Variants in PDGFC observed in about 807,000 individuals in gnomAD.
PDGFC encodes the protein platelet-derived growth factor C.
A neutral mutation model predicts 35.5 loss-of-function variants in PDGFC; 12 were observed. The observed-to-expected ratio is 0.34, with a 90% confidence interval of 0.22 to 0.55. PDGFC has a LOEUF of 0.55. Among genes scored for constraint, PDGFC ranks in the 20% least tolerant of loss-of-function variants. PDGFC has a pLI of 0.91. For missense variants in PDGFC, 322 were observed against 412.4 expected (o/e 0.78, Z 1.90); for synonymous variants, 159 against 148.8 (o/e 1.07, Z -0.50).
intron 3 of PDGFC, among the ~76,000 whole-genome samples, chr4:156,790,005 ATACTTTGAGGAAACATAGT>A (rs1328349725): frequency 0.047 from 6,848 of 145,756 alleles, 655 homozygotes; most frequent in African/African-American, 0.18. Flanking sequence ...AAAAGAAAGA[ATACTTTGAGGAAACATAGT>A]ATCATGGCAA....
intron 2 of PDGFC, among the ~76,000 whole-genome samples, chr4:156,840,343 T>C (rs903669618): frequency 6.6e-6 from 1 of 152,188 alleles, no homozygotes; most frequent in Non-Finnish European, 1.5e-5. Flanking sequence ...AGGCTGTTGC[T>C]TTAGAGAGTG....
chr4:156,929,766 C>T (rs1270483796), intron 1 of PDGFC, among the ~76,000 whole-genome samples: 1 of 152,164 alleles, frequency 6.6e-6, no homozygotes, highest in Non-Finnish European at 1.5e-5. Context: ...CCTTTAGTGA[C>T]TTATGGATAT....
At chr4:156,857,114 T>G (rs1442722065) in intron 1 of PDGFC, among the ~76,000 whole-genome samples, 2 of 151,508 alleles carry the variant, frequency 1.3e-5, no homozygotes, top group Non-Finnish European at 2.9e-5. Context: ...TAATCACAGG[T>G]TGATTTAAAG....
chr4:156,811,745 G>T (rs1731936772), intron 2 of PDGFC, among the ~76,000 whole-genome samples: 1 of 151,976 alleles, frequency 6.6e-6, no homozygotes, highest in African/African-American at 2.4e-5. Flanking sequence ...GTCAACTTTT[G>T]GTTTGGAAGG....
intron 1 of PDGFC, among the ~76,000 whole-genome samples, chr4:156,900,919 G>A (rs1366348384): frequency 7.6e-6 from 1 of 131,004 alleles, no homozygotes; most frequent in Non-Finnish European, 1.6e-5. Flanking sequence ...GAGGGAGGGA[G>A]AGAGGAAGTG....
At chr4:156,941,351 A>G (rs772232831) in intron 1 of PDGFC, among the ~76,000 whole-genome samples, 6 of 152,192 alleles carry the variant, frequency 3.9e-5, no homozygotes, top group Non-Finnish European at 8.8e-5. Flanking sequence ...ATCCTCTTAC[A>G]AATGAGAAAC....
chr4:156,826,063 C>T (rs968431172), intron 2 of PDGFC, among the ~76,000 whole-genome samples: 3 of 147,490 alleles, frequency 2.0e-5, no homozygotes, highest in Non-Finnish European at 3.0e-5. Context: ...GAGAAGGGGT[C>T]TTTATTGCCT....
chr4:156,877,429 T>C (rs1165675935), intron 1 of PDGFC, among the ~76,000 whole-genome samples: 2 of 152,178 alleles, frequency 1.3e-5, no homozygotes, highest in Non-Finnish European at 2.9e-5. Flanking sequence ...CATAACTAAA[T>C]AATTGTAAGT....
chr4:156,835,328 T>C (rs146196924), intron 2 of PDGFC, among the ~76,000 whole-genome samples: 2 of 152,154 alleles, frequency 1.3e-5, no homozygotes, highest in Admixed American at 6.5e-5. Context: ...TTCAATATTG[T>C]TGGGAATGTC....
chr4:156,877,444 C>T (rs6816164), intron 1 of PDGFC, among the ~76,000 whole-genome samples: 8 of 151,882 alleles, frequency 5.3e-5, no homozygotes, highest in African/African-American at 1.7e-4. Flanking sequence ...GTAAGTCAAT[C>T]GTGAAATTAT....
chr4:156,764,453 C>G (rs936799071), intron 5 of PDGFC, among the ~76,000 whole-genome samples: 3 of 152,126 alleles, frequency 2.0e-5, no homozygotes, highest in Non-Finnish European at 4.4e-5. Context: ...GAGGCTTAGA[C>G]AGAGTAAGTG....
chr4:156,922,872 G>A (rs1428025801), intron 1 of PDGFC, among the ~76,000 whole-genome samples: 1 of 152,092 alleles, frequency 6.6e-6, no homozygotes, highest in Non-Finnish European at 1.5e-5. Context: ...TAGTTACTCT[G>A]ACAGTAAGAA....
intron 1 of PDGFC, among the ~76,000 whole-genome samples, chr4:156,895,905 A>G (rs924477841): frequency 5.3e-5 from 8 of 152,160 alleles, no homozygotes; most frequent in Admixed American, 2.6e-4. Context: ...AACATGATTA[A>G]CATATTTAAC....
chr4:156,844,983 G>C (rs2111066601), intron 2 of PDGFC, among the ~76,000 whole-genome samples: 1 of 151,896 alleles, frequency 6.6e-6, no homozygotes, highest in East Asian at 1.9e-4. Context: ...TGCATTCTTT[G>C]AACAAAGAAT....
intron 2 of PDGFC, among the ~76,000 whole-genome samples, chr4:156,846,886 C>T (rs1050560400): frequency 6.6e-5 from 10 of 151,698 alleles, no homozygotes; most frequent in Admixed American, 1.3e-4. Context: ...AAAACATAAA[C>T]CTTCATCAAC....
At chr4:156,767,417 C>T (rs1266541310) in intron 5 of PDGFC, among the ~76,000 whole-genome samples, 2 of 151,922 alleles carry the variant, frequency 1.3e-5, no homozygotes, top group Non-Finnish European at 2.9e-5. Context: ...AATAATTTAT[C>T]TCTGAGCTTG....
intron 1 of PDGFC, among the ~76,000 whole-genome samples, chr4:156,903,391 G>C (rs1325086593): frequency 6.6e-6 from 1 of 151,856 alleles, no homozygotes; most frequent in African/African-American, 2.4e-5. Flanking sequence ...TTAAGCAAAG[G>C]TGATGGCACA....
chr4:156,789,007 T>G (rs988802715), intron 3 of PDGFC, among the ~76,000 whole-genome samples: 2 of 152,224 alleles, frequency 1.3e-5, no homozygotes, highest in African/African-American at 2.4e-5. Context: ...ATATAATTGT[T>G]GACACAAGGG....
intron 3 of PDGFC, among the ~76,000 whole-genome samples, chr4:156,804,352 C>T (rs934788477): frequency 6.6e-6 from 1 of 151,924 alleles, no homozygotes; most frequent in African/African-American, 2.4e-5. Context: ...CACCCCAGAC[C>T]AAGAAAATGA....
Sources: gnomAD v4.1 joint callset for allele counts (sites outside exome capture counted in the v4.1 genomes callset) on GRCh38, gnomAD v4.1.1 for gene constraint, MANE v1.5 for transcripts, NCBI Gene and HGNC (gene_info 2026-07-23, HGNC 2026-07-21) for gene names.